Variants in WDR59 observed in about 807,000 individuals in gnomAD.
WDR59 encodes GATOR2 complex protein WDR59.
In WDR59, 100 loss-of-function variants were observed where a neutral mutation model predicts 131.2. The observed-to-expected ratio is 0.76, with a 90% CI of 0.65 to 0.90. The LOEUF (loss-of-function observed/expected upper bound fraction) is 0.90, where lower values mean the gene tolerates loss of function less well. Among genes scored for constraint, WDR59 ranks in the 40% least tolerant of loss-of-function variants. WDR59 has a pLI of 0.00. For missense variants in WDR59, 1,203 were observed against 1,262.2 expected (o/e 0.95, Z 0.71); for synonymous variants, 601 against 466.2 (o/e 1.29, Z -3.72).
chr16:74,934,469 C>T (rs1301558966), intron 8 of WDR59, among the ~76,000 whole-genome samples: 1 of 152,202 alleles, frequency 6.6e-6, no homozygotes, highest in Non-Finnish European at 1.5e-5. Context: ...ATCACTGATG[C>T]AGTCTTATAA....
At chr16:74,965,411 G>A (rs995944833) in intron 2 of WDR59, among the ~76,000 whole-genome samples, 5 of 152,288 alleles carry the variant, frequency 3.3e-5, no homozygotes, top group Middle Eastern at 3.4e-3. Flanking sequence ...TAGTGGCACC[G>A]TCAAACTGGA....
chr16:74,903,113 TC>T (rs771435404), intron 18 of WDR59, among the ~76,000 whole-genome samples: 9 of 152,114 alleles, frequency 5.9e-5, no homozygotes, highest in Non-Finnish European at 1.2e-4. Context: ...TTCTAATACT[TC>T]CTAGAAATGG....
intron 10 of WDR59, among the ~76,000 whole-genome samples, chr16:74,919,806 C>G (rs905910846): frequency 2.4e-4 from 36 of 152,310 alleles, no homozygotes; most frequent in African/African-American, 8.7e-4. Context: ...TCACTTCCTA[C>G]CTCTTTGAGA....
intron 6 of WDR59, among the ~76,000 whole-genome samples, chr16:74,945,818 T>A (rs1379953035): frequency 2.7e-5 from 4 of 149,554 alleles, no homozygotes; most frequent in African/African-American, 9.8e-5. Context: ...CACATAACTT[T>A]TTTTTTTTTT....
chr16:74,887,745 G>T lies in WDR59; in HGVS notation c.2357C>A (p.Thr786Asn), dbSNP rs1964837303. 3 of 1,613,904 alleles carry T rather than the reference G, an allele frequency of 1.9e-6. No individual in the cohort carries two copies. The South Asian group carries it at 3.3e-5, about 18-fold the overall frequency. Reference sequence around the variant, plus strand: ...CATACTGGAGCAGGAACCAGAAGAGGTAAAGCTAGGCTACAGAAGGGAAGA... The same window carrying T: ...CATACTGGAGCAGGAACCAGAAGAGTTAAAGCTAGGCTACAGAAGGGAAGA... Reference protein sequence around the residue: ...VVSHSRYPSFTSSGSCSSMSD... With the variant: ...VVSHSRYPSFNSSGSCSSMSD... The change falls in exon 23 of 26, where the codon ACC becomes AAC. Residue 786 changes from threonine (T) to asparagine (N), a missense_variant. Thr to Asn is a moderately conservative substitution (Grantham distance 65, BLOSUM62 0). Transcript: ENST00000262144.
chr16:74,965,973 C>A (rs555015748), intron 1 of WDR59, 151 bp from the exon 2 acceptor site: 76 of 688,152 alleles, frequency 1.1e-4, no homozygotes, highest in African/African-American at 1.1e-3. Flanking sequence ...TCTACCCACC[C>A]ACTTCTAATT....
chr16:74,934,499 C>A (rs2031644302), intron 8 of WDR59, among the ~76,000 whole-genome samples: 1 of 152,138 alleles, frequency 6.6e-6, no homozygotes, highest in Admixed American at 6.6e-5. Flanking sequence ...ATGTCATTTG[C>A]AAACAGAAGA....
At chr16:74,922,181 A>C in intron 9 of WDR59, 78 bp from the exon 10 acceptor site, 6 of 1,549,924 alleles carry the variant, frequency 3.9e-6, no homozygotes, top group South Asian at 1.2e-5. Context: ...CCAAACCTGG[A>C]ATTCTTCCTA....
intron 6 of WDR59, among the ~76,000 whole-genome samples, chr16:74,944,957 C>G (rs1169175298): frequency 6.6e-6 from 1 of 151,916 alleles, no homozygotes; most frequent in Admixed American, 6.6e-5. Flanking sequence ...AACCCCATCT[C>G]TACTAAAATT....
chr16:74,881,043 G>A (rs1040230562), intron 25 of WDR59, among the ~76,000 whole-genome samples: 4 of 152,158 alleles, frequency 2.6e-5, no homozygotes, highest in Non-Finnish European at 5.9e-5. Context: ...CTGGGAAAGC[G>A]ATCGCTTTGC....
intron 7 of WDR59, among the ~76,000 whole-genome samples, chr16:74,940,097 G>A (rs943244626): frequency 2.0e-5 from 3 of 152,164 alleles, no homozygotes; most frequent in Non-Finnish European, 4.4e-5. Context: ...AGCACACACT[G>A]GCCAGGCGCA....
intron 20 of WDR59, among the ~76,000 whole-genome samples, chr16:74,890,883 A>C (rs541560398): frequency 6.6e-6 from 1 of 152,274 alleles, no homozygotes; most frequent in South Asian, 2.1e-4. Context: ...TGGGAGGCTG[A>C]GGTGGGCGAA....
intron 22 of WDR59, 86 bp from the exon 23 acceptor site, chr16:74,887,841 A>G (rs1350994346): frequency 1.5e-6 from 2 of 1,352,046 alleles, no homozygotes; most frequent in African/African-American, 1.4e-5. Context: ...CAGCAGGCCA[A>G]GCACGGTGGC....
intron 16 of WDR59, 65 bp downstream of exon 16, chr16:74,909,436 A>G: frequency 1.4e-6 from 2 of 1,475,546 alleles, no homozygotes; most frequent in Non-Finnish European, 1.8e-6. Context: ...ATGTTTATAC[A>G]GAATCTATGA....
At chr16:74,951,332 C>T in intron 4 of WDR59, 126 bp downstream of exon 4, 2 of 914,298 alleles carry the variant, frequency 2.2e-6, no homozygotes, top group Non-Finnish European at 3.5e-6. Flanking sequence ...TAATAACCCG[C>T]TGACCACCCG....
At chr16:74,966,052 T>C (rs2033762575) in intron 1 of WDR59, among the ~76,000 whole-genome samples, 1 of 152,200 alleles carries the variant, frequency 6.6e-6, no homozygotes, top group Non-Finnish European at 1.5e-5. Flanking sequence ...TTGCCCAGGC[T>C]GGACTCCAAC....
intron 3 of WDR59, among the ~76,000 whole-genome samples, chr16:74,955,130 G>A (rs2033218991): frequency 6.6e-6 from 1 of 152,186 alleles, no homozygotes; most frequent in African/African-American, 2.4e-5. Flanking sequence ...ATTTTAAAAA[G>A]GCTGTCTTTG....
At chr16:74,895,578 A>G (rs1965260908) in intron 18 of WDR59, among the ~76,000 whole-genome samples, 1 of 152,168 alleles carries the variant, frequency 6.6e-6, no homozygotes, top group African/African-American at 2.4e-5. Context: ...TGATCTTAAG[A>G]AGCAGTTCAG....
At chr16:74,935,157 G>A (rs1460120451) in intron 8 of WDR59, among the ~76,000 whole-genome samples, 1 of 151,948 alleles carries the variant, frequency 6.6e-6, no homozygotes, top group Admixed American at 6.6e-5. Flanking sequence ...TTGAACCTGG[G>A]AGGCAGAGGC....
Sources: allele counts gnomAD v4.1 joint callset (sites outside exome capture counted in the v4.1 genomes callset), GRCh38; gene constraint gnomAD v4.1.1; transcripts MANE v1.5; gene names NCBI Gene and HGNC (gene_info 2026-07-23, HGNC 2026-07-21).